ZC3H14: variants seen among roughly 807,000 people sequenced by gnomAD.
ZC3H14 encodes zinc finger CCCH-type containing 14, also known as zinc finger CCCH domain-containing protein 14.
A neutral mutation model predicts 92.4 loss-of-function variants in ZC3H14; 31 were observed. The observed-to-expected ratio is 0.34, with a 90% confidence interval of 0.25 to 0.45. ZC3H14 has a LOEUF of 0.45. Among genes scored for constraint, ZC3H14 ranks in the 20% least tolerant of loss-of-function variants. The pLI is 1.00. For missense variants in ZC3H14, 781 were observed against 897.3 expected (o/e 0.87, Z 1.66); for synonymous variants, 321 against 300.9 (o/e 1.07, Z -0.69).
At chr14:88,579,468 T>C (rs1255052092) in intron 9 of ZC3H14, among the ~76,000 whole-genome samples, 1 of 152,164 alleles carries the variant, frequency 6.6e-6, no homozygotes, top group African/African-American at 2.4e-5. Context: ...ACTGCAGTGG[T>C]CTACTCCCTG....
intron 2 of ZC3H14, among the ~76,000 whole-genome samples, chr14:88,566,023 A>ACC (rs1447798619): frequency 6.8e-4 from 2 of 2,920 alleles, no homozygotes; most frequent in Non-Finnish European, 1.9e-3. Context: ...ACCTGCCACC[A>ACC]CCCCGCCCCC....
rs1279831522 is a variant in ZC3H14 at position 88,616,039 on chromosome 14, T to C, written c.*4288T>C. On this transcript the variant is annotated 3_prime_UTR_variant, in exon 17 of 17. Coordinates refer to ENST00000251038, the MANE Select transcript of ZC3H14 (RefSeq NM_024824.5). ...ATCTGGTTATACTACCTTCTACTAA[T>C]GTTGACTAGCTGATTTCATAAACCA... 3.0e-6 allele frequency: 4 copies of C among 1,336,778 alleles called. No individual in the cohort carries two copies. In the African/African-American group the frequency reaches 5.9e-5, roughly 20 times the overall value. 82.8% of individuals were successfully genotyped at this position (1,336,778 alleles called of 1,614,324 possible).
chr14:88,598,168 G>T (rs1330214210), intron 10 of ZC3H14, among the ~76,000 whole-genome samples: 1 of 152,102 alleles, frequency 6.6e-6, no homozygotes, highest in Non-Finnish European at 1.5e-5. Context: ...TTACATTTAA[G>T]AGTGGAGCAC....
At chr14:88,595,218 T>C in intron 9 of ZC3H14, 5 of 1,538,324 alleles carry the variant, frequency 3.3e-6, no homozygotes, top group East Asian at 2.3e-5. Flanking sequence ...TACAGAGAAC[T>C]TGAATTTTTC....
chr14:88,595,792 CCT>C (rs2083734890), intron 9 of ZC3H14, among the ~76,000 whole-genome samples: 1 of 152,170 alleles, frequency 6.6e-6, no homozygotes, highest in South Asian at 2.1e-4. Flanking sequence ...CAAAGCCTGT[CCT>C]TGTGAAGCCA....
chr14:88,620,571 G>A lies in ZC3H14; in HGVS notation c.*8820G>A. On this transcript the variant is annotated 3_prime_UTR_variant, in exon 17 of 17. Coordinates refer to ENST00000251038, the MANE Select transcript of ZC3H14 (RefSeq NM_024824.5). The surrounding 1 kb of genome is among the most constrained non-coding windows in gnomAD (Gnocchi z 4.3). ...TGCTATTATAGTTGGTGCCCAGTGGGTTTATAATTTAGCAAGAAGAATTAA... is the reference window on the plus strand; with the variant it reads ...TGCTATTATAGTTGGTGCCCAGTGGATTTATAATTTAGCAAGAAGAATTAA... 2.0e-6 allele frequency: 1 copy of A among 488,434 alleles called. No homozygotes were observed. Among genetic ancestry groups the A allele is most frequent in the African/African-American group, 2.0e-5 (1 of 49,940 alleles). The allele number at this position is 488,434 out of a possible 1,614,324, so 30.3% of individuals were successfully genotyped here.
chr14:88,595,005 A>T, intron 9 of ZC3H14: 1 of 1,613,906 alleles, frequency 6.2e-7, no homozygotes, highest in East Asian at 2.2e-5. Context: ...AATATTCAAC[A>T]ACATATGAAT....
chr14:88,584,173 C>T (rs894580492), intron 9 of ZC3H14, among the ~76,000 whole-genome samples: 6 of 152,098 alleles, frequency 3.9e-5, no homozygotes, highest in Admixed American at 1.3e-4. Context: ...TCAGTTTTCT[C>T]TCTCATGCTT....
intron 4 of ZC3H14, 70 bp from the exon 5 acceptor site, chr14:88,571,960 C>T: frequency 7.8e-7 from 1 of 1,276,406 alleles, no homozygotes; most frequent in Non-Finnish European, 1.0e-6. Context: ...GAGACTCCAT[C>T]TCAAAAATAA....
intron 10 of ZC3H14, among the ~76,000 whole-genome samples, chr14:88,600,441 CTTTT>C (rs201793653): frequency 7.0e-6 from 1 of 143,354 alleles, no homozygotes. Flanking sequence ...TTTCTTTTCT[CTTTT>C]TTTTTTTTTT....
chr14:88,578,752 G>C (rs990637427), intron 9 of ZC3H14, among the ~76,000 whole-genome samples: 1 of 137,518 alleles, frequency 7.3e-6, no homozygotes, highest in Non-Finnish European at 1.5e-5. Flanking sequence ...TTATCCCCTC[G>C]TGCCTAACAT....
At position 88,623,313 on chromosome 14, in the gene ZC3H14, G is replaced by A. The variant is rs993534973; in HGVS notation, c.*11562G>A. 6.6e-6 allele frequency: 1 copy of A among 151,858 alleles called. No individual in the cohort carries two copies. The highest frequency in any genetic ancestry group is 1.5e-5 in the Non-Finnish European group (1 of 68,036). 9.4% of individuals were successfully genotyped at this position (151,858 alleles called of 1,614,324 possible). On this transcript the variant is annotated 3_prime_UTR_variant, in exon 17 of 17. Transcript: ENST00000251038. ...ATTCCAGGTATGAGCCACTGTGCCT[G>A]GCCTCATAATACTTCTTGATTAGGA...
At chr14:88,585,196 CA>C (rs2082328945) in intron 9 of ZC3H14, among the ~76,000 whole-genome samples, 1 of 152,144 alleles carries the variant, frequency 6.6e-6, no homozygotes, top group Non-Finnish European at 1.5e-5. Context: ...TTAGACCAGT[CA>C]CATTTATTAC....
At chr14:88,605,343 T>C (rs532264804) in intron 12 of ZC3H14, among the ~76,000 whole-genome samples, 12 of 152,350 alleles carry the variant, frequency 7.9e-5, no homozygotes, top group African/African-American at 2.6e-4. Context: ...TATACTGTTT[T>C]GTTTTTAGAA....
intron 10 of ZC3H14, among the ~76,000 whole-genome samples, chr14:88,599,927 C>T (rs958414997): frequency 3.3e-5 from 5 of 152,092 alleles, no homozygotes; most frequent in Admixed American, 6.5e-5. Flanking sequence ...GGGAGGAAAC[C>T]GACTTTGTAG....
Position 88,572,522 on chromosome 14 carries a change from T to C in ZC3H14, c.432-56T>C. 4.4e-6 allele frequency: 7 copies of C among 1,595,714 alleles called. No homozygotes were observed. The South Asian group carries it at 7.7e-5, about 18-fold the overall frequency. On this transcript the variant is annotated intron_variant, in intron 5 of 16. Coordinates refer to ENST00000251038, the MANE Select transcript of ZC3H14 (RefSeq NM_024824.5). ...TTTTCAAGTAAACATTCTTTAAAGA[T>C]TTGGTGATAATTGCCCTAATTTGGC...
At chr14:88,607,889 TCTCACCCTGCAAGTATCATCCCCCAC>T (rs2085788168) in intron 13 of ZC3H14, among the ~76,000 whole-genome samples, 1 of 47,736 alleles carries the variant, frequency 2.1e-5, no homozygotes, top group Non-Finnish European at 3.6e-5. Flanking sequence ...ACCATCCCCA[TCTCACCCTGCAAGTATCATCCCCCAC>T]CTCACCCTGC....
chr14:88,609,958 T>C (rs571730420), intron 15 of ZC3H14, among the ~76,000 whole-genome samples, 155 bp downstream of exon 15: 1 of 152,350 alleles, frequency 6.6e-6, no homozygotes, highest in African/African-American at 2.4e-5. Context: ...AACCTCCATC[T>C]GGCCCCTTAG....
intron 2 of ZC3H14, among the ~76,000 whole-genome samples, chr14:88,567,023 G>GT (rs1358555187): frequency 6.6e-6 from 1 of 151,646 alleles, no homozygotes; most frequent in East Asian, 1.9e-4. Context: ...TGAGGTTTTT[G>GT]TTTTTTTGTT....
Sources: gnomAD v4.1 joint callset for allele counts (sites outside exome capture counted in the v4.1 genomes callset) on GRCh38, gnomAD v4.1.1 for gene constraint, Gnocchi (gnomAD v3.1) non-coding constraint, MANE v1.5 for transcripts, NCBI Gene and HGNC (gene_info 2026-07-23, HGNC 2026-07-21) for gene names.